TMEM132D: variants seen among roughly 807,000 people sequenced by gnomAD.
TMEM132D encodes transmembrane protein 132D, also known as mature OL transmembrane protein.
A neutral mutation model predicts 62.3 loss-of-function variants in TMEM132D; 21 were observed. The ratio of observed to expected loss-of-function variants is 0.34; its 90% CI spans 0.24 to 0.49. The LOEUF (loss-of-function observed/expected upper bound fraction) is 0.49. Ranked by LOEUF, TMEM132D falls within the 20% of genes least tolerant of loss-of-function variation. The pLI is 0.99. For synonymous variants in TMEM132D, 621 were observed against 575.6 expected (o/e 1.08, Z -1.13); for missense variants, 1,346 against 1,402.8 (o/e 0.96, Z 0.65).
At chr12:129,146,929 CA>C (rs1876915769) in intron 5 of TMEM132D, among the ~76,000 whole-genome samples, 1 of 151,974 alleles carries the variant, frequency 6.6e-6, no homozygotes, top group Admixed American at 6.6e-5. Context: ...AGAAACTGGC[CA>C]AAGGTCACAC....
intron 3 of TMEM132D, chr12:129,521,592 A>T (rs952304603): frequency 1.3e-5 from 2 of 152,170 alleles, no homozygotes; most frequent in Non-Finnish European, 2.9e-5. Context: ...AGAAGCTGAA[A>T]ATCTATCAAT....
At chr12:129,873,481 C>T (rs979882034) in intron 1 of TMEM132D, among the ~76,000 whole-genome samples, 3 of 152,180 alleles carry the variant, frequency 2.0e-5, no homozygotes, top group Admixed American at 6.5e-5. Context: ...TAAGCTGATT[C>T]GTCAAAAGCA....
intron 2 of TMEM132D, among the ~76,000 whole-genome samples, chr12:129,685,064 A>G (rs1880874264): frequency 6.6e-6 from 1 of 152,244 alleles, no homozygotes; most frequent in African/African-American, 2.4e-5. Flanking sequence ...AAAGGGAAAC[A>G]GCATAAAAGT....
intron 1 of TMEM132D, among the ~76,000 whole-genome samples, chr12:129,787,788 A>T (rs1246044018): frequency 6.6e-6 from 1 of 152,178 alleles, no homozygotes; most frequent in African/African-American, 2.4e-5. Context: ...ATGCCTCATC[A>T]CACTTGGGGG....
chr12:129,319,843 A>T (rs1868624346), intron 4 of TMEM132D, among the ~76,000 whole-genome samples: 1 of 152,224 alleles, frequency 6.6e-6, no homozygotes, highest in Non-Finnish European at 1.5e-5. Flanking sequence ...AATCTCAGTT[A>T]TACATGATAC....
At position 129,084,459 on chromosome 12, in the gene TMEM132D, C is replaced by T. The variant is rs1874546500; in HGVS notation, c.1649+38G>A. The T allele has an allele frequency of 3.2e-6, 5 of 1,551,018 alleles. No individual in the cohort carries two copies. In the East Asian group the frequency reaches 9.1e-5, roughly 28 times the overall value. On this transcript the variant is annotated intron_variant, in intron 6 of 8. Transcript: ENST00000422113. ...CCAAATTTACCACCCCGTACACTTC[C>T]TCCTTAGCCTGCCATGGAGTTTCAG...
chr12:129,517,743 A>G (rs1264616232), intron 3 of TMEM132D, among the ~76,000 whole-genome samples: 1 of 152,232 alleles, frequency 6.6e-6, no homozygotes, highest in Non-Finnish European at 1.5e-5. Flanking sequence ...TCTTAGGCTC[A>G]TAAGCCCATC....
chr12:129,434,366 G>A (rs965010864), intron 3 of TMEM132D, among the ~76,000 whole-genome samples: 21 of 152,182 alleles, frequency 1.4e-4, no homozygotes, highest in African/African-American at 4.6e-4. Flanking sequence ...GAACATGGCC[G>A]AATGAATATG....
intron 2 of TMEM132D, among the ~76,000 whole-genome samples, chr12:129,621,454 A>C (rs1879064357): frequency 6.6e-6 from 1 of 152,068 alleles, no homozygotes; most frequent in African/African-American, 2.4e-5. Context: ...ACTAGAACGT[A>C]CACTTGAGGC....
chr12:129,178,438 T>A (rs59112734), intron 5 of TMEM132D, among the ~76,000 whole-genome samples: 1 of 148,550 alleles, frequency 6.7e-6, no homozygotes, highest in African/African-American at 2.5e-5. Flanking sequence ...CATCTGTTTT[T>A]TTTTTTTTTT....
intron 2 of TMEM132D, among the ~76,000 whole-genome samples, chr12:129,567,858 G>A (rs888249449): frequency 6.6e-6 from 1 of 152,042 alleles, no homozygotes; most frequent in Non-Finnish European, 1.5e-5. Context: ...CAATAGTTCT[G>A]AACAGAATAA....
intron 5 of TMEM132D, among the ~76,000 whole-genome samples, chr12:129,142,829 G>C (rs1024909717): frequency 2.0e-5 from 3 of 152,018 alleles, no homozygotes; most frequent in African/African-American, 7.2e-5. Flanking sequence ...GTGGAAGATG[G>C]CTACCAGCAG....
At chr12:129,890,156 C>T (rs1015026207) in intron 1 of TMEM132D, among the ~76,000 whole-genome samples, 1 of 152,178 alleles carries the variant, frequency 6.6e-6, no homozygotes, top group Non-Finnish European at 1.5e-5. Context: ...AAGCCCCAGT[C>T]CTATAAATTG....
rs140241495 is a variant in TMEM132D, at chr12:129,643,036, C to T, written c.968+56774G>A. Among the ~76,000 whole-genome samples, 430 of 151,062 alleles carry T rather than the reference C, an allele frequency of 2.8e-3. 2 individuals are homozygous for T. Among genetic ancestry groups the T allele is most frequent in the South Asian group, 0.015 (72 of 4,754 alleles). On this transcript the variant is annotated intron_variant, in intron 2 of 8. Coordinates refer to ENST00000422113, the MANE Select transcript of TMEM132D (RefSeq NM_133448.3). The stretch of plus-strand genomic sequence containing the variant: ...GCCTCCCAGGTTCAAGGGATTCTCC[C>T]GCCTCAGCCTCCCTAGTAGTTGGGA...
At chr12:129,364,421 C>T (rs1327493373) in intron 3 of TMEM132D, among the ~76,000 whole-genome samples, 3 of 152,174 alleles carry the variant, frequency 2.0e-5, no homozygotes, top group East Asian at 1.9e-4. Flanking sequence ...TCCTAGCACT[C>T]GCAGTGTTGA....
chr12:129,852,537 C>T (rs1460959530), intron 1 of TMEM132D: 1 of 151,838 alleles, frequency 6.6e-6, no homozygotes, highest in African/African-American at 2.4e-5. Context: ...GAGCAAGACC[C>T]TGTCTAAAAA....
In TMEM132D at chr12:129,416,478, T is replaced by A. The variant is rs191819103; in HGVS notation, c.1116-78661A>T. Reference sequence around the variant, plus strand: ...CTGAAATGATGGGGTTTTCTAAACATACAATCATGTCATCTGCAAACAGAG... The same window carrying A: ...CTGAAATGATGGGGTTTTCTAAACAAACAATCATGTCATCTGCAAACAGAG... On this transcript the variant is annotated intron_variant, in intron 3 of 8. Coordinates refer to ENST00000422113, the MANE Select transcript of TMEM132D (RefSeq NM_133448.3). 1.8e-3 allele frequency among the ~76,000 whole-genome samples: 275 copies of A among 152,338 alleles called. 2 individuals are homozygous for A. The highest frequency in any genetic ancestry group is 6.3e-3 in the African/African-American group (261 of 41,578).
chr12:129,390,873 G>A (rs1256628907), intron 3 of TMEM132D, among the ~76,000 whole-genome samples: 2 of 152,126 alleles, frequency 1.3e-5, no homozygotes, highest in East Asian at 1.9e-4. Context: ...GTTGGATGTA[G>A]GCTTCATAAC....
Position 129,428,586 on chromosome 12 carries a change from A to G in TMEM132D, c.1116-90769T>C, listed in dbSNP as rs536107670. Among the ~76,000 whole-genome samples the G allele has an allele frequency of 3.3e-5, 5 of 152,348 alleles. No homozygotes were observed. In the East Asian group the frequency reaches 9.6e-4, roughly 29 times the overall value. On this transcript the variant is annotated intron_variant, in intron 3 of 8. Coordinates refer to ENST00000422113, the MANE Select transcript of TMEM132D (RefSeq NM_133448.3). ...TTATTTGTTTATTTGTAGCCCTGGG[A>G]CAAAATTCTTATTTTCCTTAGCTGA... is the stretch of plus-strand genomic sequence containing the variant.
Sources: gnomAD v4.1 joint callset for allele counts (sites outside exome capture counted in the v4.1 genomes callset) on GRCh38, gnomAD v4.1.1 for gene constraint, MANE v1.5 for transcripts, NCBI Gene and HGNC (gene_info 2026-07-23, HGNC 2026-07-21) for gene names.